Variants in TPRA1 observed in about 807,000 individuals in gnomAD.
The protein encoded by TPRA1 is transmembrane protein adipocyte-associated 1.
Under a neutral mutation model 40.1 loss-of-function variants are expected in TPRA1, and 28 were observed. That is an observed-to-expected ratio of 0.70 (90% confidence interval 0.52 to 0.96). TPRA1 has a LOEUF of 0.96. TPRA1 is among the 40% of genes least tolerant of loss of function. The pLI is 0.00. For missense variants in TPRA1, 441 were observed against 482.6 expected (o/e 0.91, Z 0.81); for synonymous variants, 219 against 209.7 (o/e 1.04, Z -0.38).
chr3:127,580,301 C>G, intron 1 of TPRA1, 138 bp from the exon 2 acceptor site: 1 of 984,640 alleles, frequency 1.0e-6, no homozygotes, highest in Admixed American at 2.7e-5. Context: ...CCCACTGCAG[C>G]TCAGTGTGGG....
At chr3:127,596,694 T>C (rs561993014) in intron 1 of TPRA1, among the ~76,000 whole-genome samples, 59 of 152,270 alleles carry the variant, frequency 3.9e-4, no homozygotes, top group African/African-American at 1.4e-3. Context: ...AACAAACTCA[T>C]CTTCTTCCCC....
intron 3 of TPRA1, 68 bp downstream of exon 3, chr3:127,579,672 A>C: frequency 6.5e-7 from 1 of 1,544,924 alleles, no homozygotes; most frequent in Non-Finnish European, 8.9e-7. Flanking sequence ...TTCATTATAG[A>C]AGCAGTTAAT....
In TPRA1 at chr3:127,573,083, CTTTTT is replaced by C. The variant is rs2073424323; in HGVS notation, c.*433_*437del. 6.5e-6 allele frequency: 1 copy of C among 154,442 alleles called. No individual in the cohort carries two copies. Among genetic ancestry groups the C allele is most frequent in the African/African-American group, 2.4e-5 (1 of 41,544 alleles). 9.6% of individuals were successfully genotyped at this position (154,442 alleles called of 1,614,324 possible). A position where few individuals can be genotyped will look rare whatever the true frequency, so the allele number is the denominator to read the frequency against. ...ACATTAGCACCTTCTGCTCCTTTTC[CTTTTT>C]ATTAAAAAATAGATCAAGAAAATAT... On this transcript the variant is annotated 3_prime_UTR_variant, in exon 11 of 11. Coordinates refer to ENST00000355552, the MANE Select transcript of TPRA1 (RefSeq NM_001136053.4).
intron 1 of TPRA1, among the ~76,000 whole-genome samples, chr3:127,597,328 T>A (rs2074254030): frequency 6.6e-6 from 1 of 152,158 alleles, no homozygotes; most frequent in Non-Finnish European, 1.5e-5. Context: ...GCCTTCAACC[T>A]CGTTCAATCC....
chr3:127,595,739 A>G (rs1297270070), intron 1 of TPRA1: 2 of 152,248 alleles, frequency 1.3e-5, no homozygotes, highest in Admixed American at 6.5e-5. Context: ...AAGACATGGC[A>G]TCTGTCTTGT....
chr3:127,579,719 T>C, intron 3 of TPRA1, 21 bp downstream of exon 3: 1 of 1,612,604 alleles, frequency 6.2e-7, no homozygotes, highest in African/African-American at 1.3e-5. Flanking sequence ...TTGGCTTTTC[T>C]GTCAACTGCA....
At chr3:127,581,276 G>A (rs982799218) in intron 1 of TPRA1, among the ~76,000 whole-genome samples, 15 of 152,318 alleles carry the variant, frequency 9.8e-5, no homozygotes, top group Middle Eastern at 3.4e-3. Context: ...AGCCCCAGGC[G>A]GGGAGCAGCC....
At chr3:127,580,346 G>T in intron 1 of TPRA1, 183 bp from the exon 2 acceptor site, 1 of 633,526 alleles carries the variant, frequency 1.6e-6, no homozygotes, top group South Asian at 2.2e-5. Flanking sequence ...CCCCCAGGCA[G>T]GGGCCCAGTC....
chr3:127,578,965 C>T (rs1209898391), intron 3 of TPRA1, among the ~76,000 whole-genome samples: 1 of 152,036 alleles, frequency 6.6e-6, no homozygotes, highest in African/African-American at 2.4e-5. Flanking sequence ...CAGGACAGCC[C>T]GCACCGGAAG....
intron 3 of TPRA1, 133 bp downstream of exon 3, chr3:127,579,607 C>T (rs185136082): frequency 1.2e-4 from 126 of 1,051,328 alleles, no homozygotes; most frequent in Non-Finnish European, 1.7e-4. Context: ...GATGCAGAAA[C>T]AGATCCTAAC....
At chr3:127,590,369 C>G (rs1030947021) in intron 1 of TPRA1, 41 bp downstream of exon 1, 2 of 152,240 alleles carry the variant, frequency 1.3e-5, no homozygotes, top group East Asian at 1.9e-4. Flanking sequence ...GGGGCTCCCC[C>G]TCTAGCTGCG....
upstream of TPRA1, among the ~76,000 whole-genome samples, chr3:127,594,137 A>C (rs1208145436): frequency 6.6e-6 from 1 of 152,234 alleles, no homozygotes. Flanking sequence ...GGGGCTTGCC[A>C]CATCAGTGAG....
Position 127,572,929 on chromosome 3 carries a change from C to G in TPRA1, c.*592G>C, listed in dbSNP as rs2073419843. On this transcript the variant is annotated 3_prime_UTR_variant, in exon 11 of 11. Transcript: ENST00000355552. ...ATCCTGTTTCTCTTCACCTCCCCAG[C>G]AGCCAGCCCAGGGCTTGGGCACTGG... 1 of 152,336 alleles carries G rather than the reference C, an allele frequency of 6.6e-6. No homozygotes were observed. The highest frequency in any genetic ancestry group is 2.4e-5 in the African/African-American group (1 of 41,462). The allele number at this position is 152,336 out of a possible 1,614,324, so 9.4% of individuals were successfully genotyped here. A position where few individuals can be genotyped will look rare whatever the true frequency, so the allele number is the denominator to read the frequency against.
rs2073614863 is a variant in TPRA1, at chr3:127,576,113, TTTCCCTGATGCAAAGCCCCC to T, written c.499-83_499-64del. On this transcript the variant is annotated intron_variant, in intron 6 of 10. Transcript: ENST00000355552. This position sits in a 1 kb window ranked among gnomAD's most constrained non-coding sequence, Gnocchi z 4.6. ...CTCAAGGCTTCTCTCTCCCAGGGGC[TTTCCCTGATGCAAAGCCCCC>T]TAAGCTCTCCACCACACCAAGTTCA... 1.5e-6 allele frequency: 2 copies of T among 1,358,348 alleles called. No individual in the cohort carries two copies. Among genetic ancestry groups the T allele is most frequent in the Admixed American group, 3.7e-5 (2 of 53,760 alleles). The allele number at this position is 1,358,348 out of a possible 1,614,324, so 84.1% of individuals were successfully genotyped here.
chr3:127,573,721 G>C lies in TPRA1; in HGVS notation c.922C>G (p.Leu308Val). Reference protein sequence around the residue: ...VDETEEPDVHLPQPYAVARRE... With the variant: ...VDETEEPDVHVPQPYAVARRE... ...CGGGCCACAGCGTAGGGCTGGGGTA[G>C]GTGTACATCTGGCTCCTCTGTCTCG... Residue 308 changes from leucine (L) to valine (V), a missense_variant, in exon 11 of 11, where the codon CTA becomes GTA. Physicochemically the swap from Leu to Val is conservative, Grantham distance 32. Transcript: ENST00000355552. 6.2e-7 allele frequency: 1 copy of C among 1,608,118 alleles called. No individual in the cohort carries two copies. The highest frequency in any genetic ancestry group is 8.5e-7 in the Non-Finnish European group (1 of 1,175,330).
At position 127,575,365 on chromosome 3, in the gene TPRA1, TGCCCCCACGAGGCAGACACCCTGCG is replaced by T. The variant is rs1317076641; in HGVS notation, c.773+13_773+37del. 1 of 1,571,590 alleles carries T rather than the reference TGCCCCCACGAGGCAGACACCCTGCG, an allele frequency of 6.4e-7. No homozygotes were observed. Among genetic ancestry groups the T allele is most frequent in the Non-Finnish European group, 8.6e-7 (1 of 1,158,220 alleles). ...TGGACACCCTGCCGCCCACTTCCCA[TGCCCCCACGAGGCAGACACCCTGCG>T]GCCCCCACGCACCAGAGCCCCTCGA... On this transcript the variant is annotated intron_variant, in intron 9 of 10. Transcript: ENST00000355552.
chr3:127,591,671 C>G (rs2074172588), upstream of TPRA1, among the ~76,000 whole-genome samples: 1 of 152,182 alleles, frequency 6.6e-6, no homozygotes, highest in Admixed American at 6.5e-5. Context: ...AGCGGCTGTC[C>G]AGTCTCATTT....
chr3:127,581,908 C>T (rs2107644584), intron 1 of TPRA1, among the ~76,000 whole-genome samples: 1 of 144,952 alleles, frequency 6.9e-6, no homozygotes, highest in South Asian at 2.2e-4. Flanking sequence ...GGCGACAGAG[C>T]GAGACTCCAT....
At chr3:127,585,389 C>G (rs1427800082) in intron 1 of TPRA1, among the ~76,000 whole-genome samples, 1 of 152,200 alleles carries the variant, frequency 6.6e-6, no homozygotes, top group African/African-American at 2.4e-5. Context: ...CGACTTCACT[C>G]TAAGTGCAAC....
Sources: gnomAD v4.1 joint callset for allele counts (sites outside exome capture counted in the v4.1 genomes callset) on GRCh38, gnomAD v4.1.1 for gene constraint, Gnocchi (gnomAD v3.1) non-coding constraint, MANE v1.5 for transcripts, NCBI Gene and HGNC (gene_info 2026-07-23, HGNC 2026-07-21) for gene names.